The following CTNND1 variants were observed in gnomAD, a reference collection of about 807,000 sequenced individuals.
CTNND1 encodes catenin delta 1.
In CTNND1, 16 loss-of-function variants were observed where a neutral mutation model predicts 112.1. That is an observed-to-expected ratio of 0.14 (90% CI 0.10 to 0.22). CTNND1 has a LOEUF of 0.22. Ranked by LOEUF, CTNND1 falls within the 10% of genes least tolerant of loss-of-function variation. The pLI is 1.00. For missense variants in CTNND1, 1,008 were observed against 1,257.0 expected (o/e 0.80, Z 3.00); for synonymous variants, 420 against 446.5 (o/e 0.94, Z 0.75).
At chr11:57,796,356 C>T (rs2061362689) in intron 5 of CTNND1, 101 bp from the exon 6 acceptor site, 2 of 1,155,880 alleles carry the variant, frequency 1.7e-6, no homozygotes, top group East Asian at 5.2e-5. Context: ...CATTGCACTC[C>T]AGCCAGGGCA....
rs192924816 is a variant in CTNND1 at position 57,801,279 on chromosome 11, C to A, written c.957-454C>A. Among the ~76,000 whole-genome samples the A allele has an allele frequency of 2.6e-3, 402 of 152,180 alleles. 2 individuals are homozygous for A. Among genetic ancestry groups the A allele is most frequent in the Non-Finnish European group, 2.7e-3 (187 of 68,012 alleles). ...ACCAGTTGTTTCCTGTGTGTAAATG[C>A]CTAATTTCCTGTTTGGTTAAGGAAC... is the stretch of plus-strand genomic sequence containing the variant. On this transcript the variant is annotated intron_variant, in intron 6 of 20. Coordinates refer to ENST00000399050, the MANE Select transcript of CTNND1 (RefSeq NM_001085458.2).
At chr11:57,776,461 C>T (rs1954257523) in intron 1 of CTNND1, among the ~76,000 whole-genome samples, 1 of 152,158 alleles carries the variant, frequency 6.6e-6, no homozygotes, top group African/African-American at 2.4e-5. Flanking sequence ...TTCCCAGTCA[C>T]ATTCTTCTGC....
intron 1 of CTNND1, among the ~76,000 whole-genome samples, chr11:57,783,931 G>A (rs1394606322): frequency 1.3e-5 from 2 of 151,706 alleles, no homozygotes; most frequent in Non-Finnish European, 2.9e-5. Flanking sequence ...ATTTATTTAC[G>A]TATTTATTTT....
At chr11:57,770,985 C>G (rs1952433416) in intron 1 of CTNND1, among the ~76,000 whole-genome samples, 3 of 152,126 alleles carry the variant, frequency 2.0e-5, no homozygotes, top group African/African-American at 7.2e-5. Flanking sequence ...TCTCTATTGA[C>G]TACTTTGTTA....
chr11:57,809,986 C>T, intron 15 of CTNND1, 123 bp from the exon 16 acceptor site: 1 of 571,130 alleles, frequency 1.8e-6, no homozygotes, highest in Non-Finnish European at 2.9e-6. Flanking sequence ...GCTGGGATTA[C>T]AGGCAGGAGC....
intron 15 of CTNND1, 41 bp from the exon 16 acceptor site, chr11:57,810,068 T>C: frequency 1.3e-6 from 2 of 1,508,678 alleles, no homozygotes; most frequent in Non-Finnish European, 1.8e-6. Flanking sequence ...TTTTTCCTGA[T>C]TTTATATCCA....
At chr11:57,790,552 G>T (rs4939158) in intron 2 of CTNND1, among the ~76,000 whole-genome samples, 24,167 of 62,322 alleles carry the variant, frequency 0.39, 4,982 homozygotes, top group Non-Finnish European at 0.48. Flanking sequence ...CTGTGTGTGT[G>T]TTTTTTTTTT....
intron 10 of CTNND1, 53 bp from the exon 11 acceptor site, chr11:57,806,408 T>C: frequency 6.6e-7 from 1 of 1,523,100 alleles, no homozygotes; most frequent in Non-Finnish European, 9.0e-7. Flanking sequence ...CTCCTGCATT[T>C]TTCTTATTTC....
In CTNND1 at chr11:57,801,818, G is replaced by A; in HGVS notation, c.1042G>A (p.Ala348Thr). ...PLAQHERGSLASLDSLRKGGP... is the reference protein window; with the variant it reads ...PLAQHERGSLTSLDSLRKGGP... ...GGCCCAGCATGAGCGAGGAAGTTTA[G>A]CAAGCTTGGATAGCCTGCGCAAAGG... The change falls in exon 7 of 21, where the codon GCA becomes ACA. Residue 348 changes from alanine to threonine, a missense_variant. This residue lies in a region of CTNND1 where 216 missense variants were observed against 342.8 expected (regional missense o/e 0.63). Transcript: ENST00000399050. The A allele has an allele frequency of 6.8e-6, 11 of 1,614,030 alleles. No homozygotes were observed. The highest frequency in any genetic ancestry group is 9.3e-6 in the Non-Finnish European group (11 of 1,179,890).
chr11:57,802,832 C>T (rs144165241), intron 7 of CTNND1, among the ~76,000 whole-genome samples: 231 of 152,292 alleles, frequency 1.5e-3, no homozygotes, highest in African/African-American at 5.2e-3. Flanking sequence ...GTAGTATAGA[C>T]CATTGTTTCT....
At chr11:57,795,094 T>C (rs2061224216) in intron 4 of CTNND1, among the ~76,000 whole-genome samples, 1 of 152,116 alleles carries the variant, frequency 6.6e-6, no homozygotes, top group Non-Finnish European at 1.5e-5. Flanking sequence ...CTCAGGAGGC[T>C]GAAATGGCAA....
At chr11:57,764,352 A>G (rs548755922) in intron 1 of CTNND1, among the ~76,000 whole-genome samples, 6 of 152,254 alleles carry the variant, frequency 3.9e-5, no homozygotes, top group Non-Finnish European at 8.8e-5. Flanking sequence ...AATTGAGACT[A>G]TTGGTGATAT....
At chr11:57,806,662 C>G (rs1012146621) in intron 11 of CTNND1, 184 bp downstream of exon 11, 1 of 648,750 alleles carries the variant, frequency 1.5e-6, no homozygotes, top group Non-Finnish European at 2.7e-6. Flanking sequence ...TTCTGGGCAG[C>G]AGTCCCCATT....
At position 57,808,373 on chromosome 11, in the gene CTNND1, T is replaced by C; in HGVS notation, c.2092-17T>C. ...CCATTTGTAATTTGTTCCACCCCTT[T>C]CTATTTGCTATTCTAGTATGGTCGA... On this transcript the variant is annotated splice_polypyrimidine_tract_variant and intron_variant, in intron 13 of 20. Transcript: ENST00000399050. 1 of 1,598,788 alleles carries C rather than the reference T, an allele frequency of 6.3e-7. No homozygotes were observed.
intron 17 of CTNND1, among the ~76,000 whole-genome samples, chr11:57,812,285 T>G (rs563397554): frequency 1.3e-5 from 2 of 152,176 alleles, no homozygotes; most frequent in Admixed American, 6.5e-5. Context: ...TTTGGGAGGC[T>G]GAGGCGGGCA....
Position 57,791,514 on chromosome 11 carries a change from C to A in CTNND1, c.36C>A (p.Ile12=), listed in dbSNP as rs752587248. ...DDSEVESTAS[I]LASVKEQEAQ... ...CAGAGGTGGAGTCGACCGCCAGCAT[C>A]TTGGCCTCTGTGAAGGAACAAGAGG... The change falls in exon 3 of 21, where the codon ATC becomes ATA. Residue 12 remains isoleucine (I), a synonymous_variant. Coordinates refer to ENST00000399050, the MANE Select transcript of CTNND1 (RefSeq NM_001085458.2). 1 of 1,590,006 alleles carries A rather than the reference C, an allele frequency of 6.3e-7. No individual in the cohort carries two copies. The highest frequency in any genetic ancestry group is 8.6e-7 in the Non-Finnish European group (1 of 1,168,500).
Position 57,791,610 on chromosome 11 carries a change from C to A in CTNND1, c.132C>A (p.Val44=), listed in dbSNP as rs2060754504. The change falls in exon 3 of 21, where the codon GTC becomes GTA. Residue 44 remains valine, a synonymous_variant. Transcript: ENST00000399050. The part of the protein sequence containing the change: ...RRHVSAQLER[V]RVSPQDANPL... Reference sequence around the variant, plus strand: ...ACGTCTCGGCGCAGCTGGAACGCGTCCGGGTCTCACCACAAGATGCCAACC... The same window carrying A: ...ACGTCTCGGCGCAGCTGGAACGCGTACGGGTCTCACCACAAGATGCCAACC... 1 of 1,607,916 alleles carries A rather than the reference C, an allele frequency of 6.2e-7. No individual in the cohort carries two copies. Among genetic ancestry groups the A allele is most frequent in the East Asian group, 2.3e-5 (1 of 44,384 alleles).
At chr11:57,794,159 C>A in intron 4 of CTNND1, 78 bp downstream of exon 4, 1 of 1,288,922 alleles carries the variant, frequency 7.8e-7, no homozygotes, top group Non-Finnish European at 1.1e-6. Flanking sequence ...ATATTTGTGT[C>A]TTGTAAGGTG....
In CTNND1 at chr11:57,801,746, A is replaced by G. The variant is rs1044369500; in HGVS notation, c.970A>G (p.Met324Val). ...PRRRLRSYED[M>V]IGEEVPSDQY... ...AAAACTTCTCAGGAGCTATGAAGAC[A>G]TGATTGGTGAGGAGGTGCCATCGGA... Residue 324 changes from methionine to valine, a missense_variant, in exon 7 of 21, where the codon ATG (methionine) becomes GTG (valine). Physicochemically the swap from Met to Val is conservative, Grantham distance 21 (BLOSUM62 1). This residue lies in a region of CTNND1 where 404 missense variants were observed against 457.9 expected (regional missense o/e 0.88). Coordinates refer to ENST00000399050, the MANE Select transcript of CTNND1 (RefSeq NM_001085458.2). 1 of 1,612,234 alleles carries G rather than the reference A, an allele frequency of 6.2e-7. No individual in the cohort carries two copies. The highest frequency in any genetic ancestry group is 8.5e-7 in the Non-Finnish European group (1 of 1,178,674).
Sources: allele counts gnomAD v4.1 joint callset (sites outside exome capture counted in the v4.1 genomes callset), GRCh38; gene constraint gnomAD v4.1.1; regional missense constraint gnomAD v4.1.1; transcripts MANE v1.5; gene names NCBI Gene and HGNC (gene_info 2026-07-23, HGNC 2026-07-21).